DACH1: variants seen among roughly 807,000 people sequenced by gnomAD.
The protein encoded by DACH1 is dachshund family transcription factor 1, also known as dachshund homolog 1.
DACH1 carries 12 observed loss-of-function variants against 54.2 expected under a neutral mutation model. That is an observed-to-expected ratio of 0.22 (90% CI 0.14 to 0.36). The LOEUF is 0.36. DACH1 is among the 10% of genes least tolerant of loss of function. The pLI, the probability that DACH1 is intolerant of heterozygous loss-of-function variation, is 1.00. For missense variants in DACH1, 805 were observed against 929.8 expected, an observed-to-expected ratio of 0.87 and a Z score of 1.75; for synonymous variants, 386 against 366.2, an observed-to-expected ratio of 1.05 and a Z score of -0.62.
At chr13:71,741,920 T>G (rs1884404519) in intron 1 of DACH1, among the ~76,000 whole-genome samples, 1 of 152,058 alleles carries the variant, frequency 6.6e-6, no homozygotes, top group Non-Finnish European at 1.5e-5. Flanking sequence ...AAAAGAGAGA[T>G]AATACAGACT....
chr13:71,789,850 T>TAAC (rs933102115), intron 1 of DACH1, among the ~76,000 whole-genome samples: 2 of 152,134 alleles, frequency 1.3e-5, no homozygotes, highest in Non-Finnish European at 1.5e-5. Context: ...TATTCATCTG[T>TAAC]AACAACAACA....
intron 1 of DACH1, among the ~76,000 whole-genome samples, chr13:71,757,209 A>C (rs1409096665): frequency 1.3e-5 from 2 of 152,202 alleles, no homozygotes; most frequent in African/African-American, 2.4e-5. Context: ...ATATCACTTA[A>C]ATCAATACAT....
intron 10 of DACH1, among the ~76,000 whole-genome samples, chr13:71,441,807 A>G (rs994874230): frequency 1.3e-5 from 2 of 152,208 alleles, no homozygotes; most frequent in South Asian, 4.1e-4. Context: ...ATGTTAAATC[A>G]TGTCGTACTT....
intron 10 of DACH1, among the ~76,000 whole-genome samples, chr13:71,469,346 T>G (rs1411171539): frequency 6.6e-6 from 1 of 152,072 alleles, no homozygotes; most frequent in African/African-American, 2.4e-5. Flanking sequence ...TGACAGCATA[T>G]TTGATTTAAG....
intron 1 of DACH1, among the ~76,000 whole-genome samples, chr13:71,705,487 A>T (rs1211551333): frequency 6.6e-6 from 1 of 152,252 alleles, no homozygotes; most frequent in Non-Finnish European, 1.5e-5. Context: ...ACAGTGGTTT[A>T]ACATCATTTA....
chr13:71,709,316 T>G (rs1882601756), intron 1 of DACH1, among the ~76,000 whole-genome samples: 1 of 152,086 alleles, frequency 6.6e-6, no homozygotes, highest in South Asian at 2.1e-4. Context: ...CTCTTGGCAG[T>G]TTCAATTACC....
chr13:71,625,341 C>A (rs1427525766), intron 3 of DACH1, among the ~76,000 whole-genome samples: 1 of 151,968 alleles, frequency 6.6e-6, no homozygotes, highest in African/African-American at 2.4e-5. Context: ...TTTGCTTTCT[C>A]AAGGTCTCCA....
At chr13:71,529,183 G>GTTTTTTTTTTGTTTGTT (rs1299574030) in intron 6 of DACH1, among the ~76,000 whole-genome samples, 2 of 80,980 alleles carry the variant, frequency 2.5e-5, no homozygotes, top group African/African-American at 8.7e-5. Flanking sequence ...TGTGATTTGG[G>GTTTTTTTTTTGTTTGTT]TTTTTTTTTT....
chr13:71,551,125 C>A (rs1425073377), intron 6 of DACH1, among the ~76,000 whole-genome samples: 4 of 151,870 alleles, frequency 2.6e-5, no homozygotes, highest in Admixed American at 6.6e-5. Context: ...TGAATAAGAT[C>A]TATTTAGAAT....
At chr13:71,621,051 C>T (rs1218873459) in intron 3 of DACH1, among the ~76,000 whole-genome samples, 2 of 151,834 alleles carry the variant, frequency 1.3e-5, no homozygotes, top group Non-Finnish European at 2.9e-5. Context: ...AACTTTTAAA[C>T]ACACATATGT....
intron 1 of DACH1, among the ~76,000 whole-genome samples, chr13:71,735,907 G>A (rs116978651): frequency 0.014 from 2,180 of 152,016 alleles, 18 homozygotes; most frequent in Middle Eastern, 0.024. Context: ...TGTGGCAGTC[G>A]GTAAAATCAA....
At chr13:71,507,957 T>C (rs1392167048) in intron 6 of DACH1, among the ~76,000 whole-genome samples, 4 of 152,184 alleles carry the variant, frequency 2.6e-5, no homozygotes, top group African/African-American at 7.2e-5. Context: ...GTTCATCCTA[T>C]TATTTCCTCA....
intron 3 of DACH1, among the ~76,000 whole-genome samples, chr13:71,603,366 A>T (rs958412515): frequency 6.6e-6 from 1 of 151,982 alleles, no homozygotes; most frequent in Admixed American, 6.6e-5. Context: ...TATTTTAATG[A>T]CATACTTTCT....
At chr13:71,616,881 T>TA in intron 3 of DACH1, among the ~76,000 whole-genome samples, 1 of 132,394 alleles carries the variant, frequency 7.6e-6, no homozygotes. Context: ...GGGGTTCAAT[T>TA]TTTTTTTTTT....
At chr13:71,496,265 A>G (rs1237119831) in intron 6 of DACH1, among the ~76,000 whole-genome samples, 9 of 19,344 alleles carry the variant, frequency 4.7e-4, no homozygotes, top group Middle Eastern at 0.014. Flanking sequence ...TGCTATGTAT[A>G]TATATATATA....
chr13:71,731,285 ATCT>A (rs1477476145), intron 1 of DACH1, among the ~76,000 whole-genome samples: 4 of 144,274 alleles, frequency 2.8e-5, no homozygotes, highest in South Asian at 4.3e-4. Flanking sequence ...TGGTTTCTTG[ATCT>A]TCTTTTTTTT....
At chr13:71,517,547 T>C (rs1881255927) in intron 6 of DACH1, among the ~76,000 whole-genome samples, 1 of 151,916 alleles carries the variant, frequency 6.6e-6, no homozygotes, top group African/African-American at 2.4e-5. Context: ...CATTTTGGTC[T>C]TTAGAAGCCA....
chr13:71,518,838 A>T (rs1881352954), intron 6 of DACH1, among the ~76,000 whole-genome samples: 1 of 151,890 alleles, frequency 6.6e-6, no homozygotes, highest in African/African-American at 2.4e-5. Context: ...CTGCTGCCTG[A>T]TTCTGTACAG....
chr13:71,616,751 A>G (rs1875797270), intron 3 of DACH1, among the ~76,000 whole-genome samples: 1 of 152,096 alleles, frequency 6.6e-6, no homozygotes, highest in South Asian at 2.1e-4. Context: ...TGAACAAATG[A>G]GAAAAGAATA....
Sources: gnomAD v4.1 joint callset for allele counts (sites outside exome capture counted in the v4.1 genomes callset) on GRCh38, gnomAD v4.1.1 for gene constraint, MANE v1.5 for transcripts, NCBI Gene and HGNC (gene_info 2026-07-23, HGNC 2026-07-21) for gene names.